Variants in ASTN2 observed in about 807,000 individuals in gnomAD.
ASTN2 encodes the protein astrotactin-2.
In ASTN2, 54 loss-of-function variants were observed where a neutral mutation model predicts 139.8. The observed-to-expected ratio is 0.39, with a 90% CI of 0.31 to 0.48. The LOEUF (loss-of-function observed/expected upper bound fraction) is 0.48, where lower values mean the gene tolerates loss of function less well. Ranked by LOEUF, ASTN2 falls within the 20% of genes least tolerant of loss-of-function variation. The pLI, the probability that ASTN2 is intolerant of heterozygous loss-of-function variation, is 0.95. For synonymous variants in ASTN2, 756 were observed against 719.5 expected (o/e 1.05, Z -0.81); for missense variants, 1,565 against 1,725.1 (o/e 0.91, Z 1.64).
At chr9:117,226,760 T>C (rs1169967872) in intron 2 of ASTN2, among the ~76,000 whole-genome samples, 1 of 152,230 alleles carries the variant, frequency 6.6e-6, no homozygotes, top group African/African-American at 2.4e-5. Context: ...TCCAGAATCC[T>C]GTTTGTCTGC....
chr9:116,436,760 G>A (rs1344372903), intron 22 of ASTN2, among the ~76,000 whole-genome samples: 3 of 151,922 alleles, frequency 2.0e-5, no homozygotes, highest in East Asian at 1.9e-4. Flanking sequence ...ACATGCACAC[G>A]TATGTTTATT....
At chr9:117,080,946 C>T (rs1828411256) in intron 5 of ASTN2, among the ~76,000 whole-genome samples, 1 of 152,204 alleles carries the variant, frequency 6.6e-6, no homozygotes, top group South Asian at 2.1e-4. Context: ...TCAAACATCA[C>T]ACCCAAATGT....
At chr9:117,316,162 C>T (rs75799860) in intron 1 of ASTN2, among the ~76,000 whole-genome samples, 3,261 of 152,312 alleles carry the variant, frequency 0.021, 139 homozygotes, top group African/African-American at 0.074. Flanking sequence ...CAATTAACCA[C>T]TCCTCTGCAA....
At chr9:117,122,845 C>T (rs565050084) in intron 4 of ASTN2, among the ~76,000 whole-genome samples, 55 of 152,214 alleles carry the variant, frequency 3.6e-4, no homozygotes, top group South Asian at 1.0e-3. Flanking sequence ...GTGCTCCATG[C>T]GAAACATGTC....
chr9:116,607,241 G>T (rs188144345), intron 19 of ASTN2, among the ~76,000 whole-genome samples: 211 of 152,282 alleles, frequency 1.4e-3, no homozygotes, highest in African/African-American at 3.8e-3. Flanking sequence ...ATGCAATTCA[G>T]TTCAGTGAAC....
Position 116,823,158 on chromosome 9 carries a change from T to G in ASTN2, c.2041-2375A>C, listed in dbSNP as rs185714634. ...CCAGCACTAGGAGAGAATAAATTTC[T>G]TAATAATTATCTTAAGCCACTGAGT... On this transcript the variant is annotated intron_variant, in intron 11 of 22. Coordinates refer to ENST00000313400, the MANE Select transcript of ASTN2 (RefSeq NM_001365068.1). Among the ~76,000 whole-genome samples the G allele has an allele frequency of 4.7e-3, 709 of 152,320 alleles. 2 individuals carry two copies. Among genetic ancestry groups the G allele is most frequent in the Middle Eastern group, 0.017 (5 of 294 alleles).
At chr9:116,616,630 C>T (rs1388504640) in intron 19 of ASTN2, among the ~76,000 whole-genome samples, 2 of 152,106 alleles carry the variant, frequency 1.3e-5, no homozygotes, top group Non-Finnish European at 2.9e-5. Context: ...TGTTTTAATT[C>T]TGAGAAGAAC....
At position 116,637,376 on chromosome 9, in the gene ASTN2, A is replaced by G. The variant is rs1489167908; in HGVS notation, c.3072+14152T>C. ...TGTTGCTAAGCACCTTACATGAACT[A>G]TCTCTTAATTTGTGAAACAATTGTA... On this transcript the variant is annotated intron_variant, in intron 17 of 22. Coordinates refer to ENST00000313400, the MANE Select transcript of ASTN2 (RefSeq NM_001365068.1). 5.9e-5 allele frequency among the ~76,000 whole-genome samples: 9 copies of G among 152,250 alleles called. No homozygotes were observed. The East Asian group carries it at 1.7e-3, about 29-fold the overall frequency.
At chr9:117,147,784 AGGGACGATAGAACTG>A in intron 3 of ASTN2, among the ~76,000 whole-genome samples, 1 of 152,294 alleles carries the variant, frequency 6.6e-6, no homozygotes, top group African/African-American at 2.4e-5. Flanking sequence ...CATGCAGCTT[AGGGACGATAGAACTG>A]GGATTTGGAC....
intron 4 of ASTN2, among the ~76,000 whole-genome samples, chr9:117,139,889 A>G (rs918098043): frequency 6.6e-6 from 1 of 152,220 alleles, no homozygotes; most frequent in African/African-American, 2.4e-5. Flanking sequence ...GAATTTCATT[A>G]GTGTATCAGG....
intron 16 of ASTN2, among the ~76,000 whole-genome samples, chr9:116,712,037 A>G (rs1233719352): frequency 1.3e-5 from 2 of 152,222 alleles, no homozygotes; most frequent in Non-Finnish European, 2.9e-5. Context: ...GCAAAGGTAC[A>G]ACTTTCTTAA....
At chr9:116,804,016 T>TC (rs1355398060) in intron 13 of ASTN2, among the ~76,000 whole-genome samples, 1 of 151,764 alleles carries the variant, frequency 6.6e-6, no homozygotes, top group East Asian at 1.9e-4. Context: ...AGCAACTGAG[T>TC]CATGGATCCA....
chr9:117,150,438 A>G (rs527845571), intron 3 of ASTN2, among the ~76,000 whole-genome samples: 1 of 152,192 alleles, frequency 6.6e-6, no homozygotes, highest in Non-Finnish European at 1.5e-5. Flanking sequence ...CTTTTTGAGG[A>G]AAAAAGGGTC....
At chr9:116,694,549 C>G (rs1251053041) in intron 16 of ASTN2, among the ~76,000 whole-genome samples, 1 of 148,564 alleles carries the variant, frequency 6.7e-6, no homozygotes, top group Admixed American at 6.8e-5. Flanking sequence ...CAAGCTCCGC[C>G]TCCCAGGTTC....
At chr9:116,630,294 C>A (rs1172751401) in intron 17 of ASTN2, among the ~76,000 whole-genome samples, 2 of 152,136 alleles carry the variant, frequency 1.3e-5, no homozygotes, top group African/African-American at 4.8e-5. Context: ...AAATGCTTAA[C>A]CTCCATGGGT....
intron 10 of ASTN2, among the ~76,000 whole-genome samples, chr9:116,960,182 G>T (rs564696706): frequency 1.1e-4 from 16 of 152,284 alleles, no homozygotes; most frequent in Admixed American, 4.6e-4. Flanking sequence ...GAGCCCTGCA[G>T]CTGGGGTCGC....
chr9:117,011,620 T>C (rs10983458), intron 6 of ASTN2, among the ~76,000 whole-genome samples: 2,543 of 152,330 alleles, frequency 0.017, 29 homozygotes, highest in Non-Finnish European at 0.025. Flanking sequence ...GTTATACATT[T>C]GGTTTAATGG....
At chr9:117,243,956 C>CA (rs894744755) in intron 2 of ASTN2, among the ~76,000 whole-genome samples, 2 of 152,150 alleles carry the variant, frequency 1.3e-5, no homozygotes, top group Non-Finnish European at 2.9e-5. Flanking sequence ...CTAATCCCCA[C>CA]ATGTCTAGGG....
chr9:116,635,866 C>CT (rs1857048442), intron 17 of ASTN2, among the ~76,000 whole-genome samples: 1 of 152,142 alleles, frequency 6.6e-6, no homozygotes, highest in Admixed American at 6.5e-5. Context: ...GAGACAAAAA[C>CT]TTTGATTAGA....
Sources: gnomAD v4.1 joint callset for allele counts (sites outside exome capture counted in the v4.1 genomes callset) on GRCh38, gnomAD v4.1.1 for gene constraint, MANE v1.5 for transcripts, NCBI Gene and HGNC (gene_info 2026-07-23, HGNC 2026-07-21) for gene names.